Variants in HERC1 observed in about 807,000 individuals in gnomAD.
HERC1 encodes HECT and RLD domain containing E3 ubiquitin protein ligase family member 1, also known as probable E3 ubiquitin-protein ligase HERC1.
Under a neutral mutation model 554.3 loss-of-function variants are expected in HERC1, and 160 were observed. The observed-to-expected ratio is 0.29, with a 90% CI of 0.25 to 0.33. The LOEUF is 0.33. Ranked by LOEUF, HERC1 falls within the 10% of genes least tolerant of loss-of-function variation. The pLI is 1.00. For synonymous variants in HERC1, 2,175 were observed against 2,131.7 expected, an observed-to-expected ratio of 1.02 and a Z score of -0.56; for missense variants, 4,919 against 5,918.5, an observed-to-expected ratio of 0.83 and a Z score of 5.54.
rs972981997 is a variant in HERC1 at position 63,713,224 on chromosome 15, A to C, written c.4463+129T>G. On this transcript the variant is annotated intron_variant, in intron 23 of 77. Transcript: ENST00000443617. ...ACTTTACTTTAAGTTCATCCTAGTC[A>C]ATTTGCATTTCTTCTTTCATGTCTA... The C allele has an allele frequency of 5.1e-6, 4 of 791,756 alleles. No homozygotes were observed. In the Admixed American group the frequency reaches 8.3e-5, roughly 17 times the overall value. The allele number at this position is 791,756 out of a possible 1,614,324, so 49.0% of individuals were successfully genotyped here.
At chr15:63,785,686 T>TTG (rs1232497426) in intron 1 of HERC1, among the ~76,000 whole-genome samples, 1 of 149,848 alleles carries the variant, frequency 6.7e-6, no homozygotes, top group Admixed American at 6.7e-5. Context: ...GGATGATCCC[T>TTG]TGCGCTCAGG....
Position 63,680,434 on chromosome 15 carries a change from G to C in HERC1, c.6465+103C>G, listed in dbSNP as rs1046986713. The stretch of plus-strand genomic sequence containing the variant: ...CAGAAAGTATTAGAGAGAAAGGAGA[G>C]ACGAGCAGATAATCTATAAACTGAA... On this transcript the variant is annotated intron_variant, in intron 35 of 77. Coordinates refer to ENST00000443617, the MANE Select transcript of HERC1 (RefSeq NM_003922.4). This position sits in a 1 kb window ranked among gnomAD's most constrained non-coding sequence, Gnocchi z 5.8. 5.8e-6 allele frequency: 7 copies of C among 1,204,348 alleles called. No homozygotes were observed. Among genetic ancestry groups the C allele is most frequent in the Non-Finnish European group, 8.0e-6 (7 of 875,108 alleles). 74.6% of individuals were successfully genotyped at this position (1,204,348 alleles called of 1,614,324 possible).
rs772986204 is a variant in HERC1, at chr15:63,658,573, G to T, written c.9570C>A (p.Val3190=). Residue 3190 remains valine, a synonymous_variant, in exon 48 of 78, where the codon GTC becomes GTA. Transcript: ENST00000443617. ...AAQVLLARTM[V]MRALSLLSVS... is the part of the protein sequence containing the mutation. ...CTGAGAGAAGAGACAGCGCTCTCAT[G>T]ACCATGGTTCTGGCCAGAAGAACCT... The T allele has an allele frequency of 6.2e-7, 1 of 1,613,174 alleles. No homozygotes were observed. The highest frequency in any genetic ancestry group is 1.1e-5 in the South Asian group (1 of 90,982).
At chr15:63,661,143 G>C in intron 45 of HERC1, 118 bp from the exon 46 acceptor site, 1 of 743,620 alleles carries the variant, frequency 1.3e-6, no homozygotes, top group South Asian at 1.6e-5. Context: ...AAATAAAAAA[G>C]TATGTTTCAT....
intron 41 of HERC1, 58 bp from the exon 42 acceptor site, chr15:63,666,208 T>C: frequency 6.8e-7 from 1 of 1,467,980 alleles, no homozygotes; most frequent in Non-Finnish European, 9.3e-7. Context: ...GGTCTTTATG[T>C]TATAAGAGTG....
intron 1 of HERC1, among the ~76,000 whole-genome samples, chr15:63,803,060 G>A (rs1253218038): frequency 6.6e-6 from 1 of 152,052 alleles, no homozygotes; most frequent in Admixed American, 6.6e-5. Flanking sequence ...AAATAATTTG[G>A]CAGGCATAGT....
At position 63,637,679 on chromosome 15, in the gene HERC1, T is replaced by G. The variant is rs759874959; in HGVS notation, c.12094-36A>C. On this transcript the variant is annotated intron_variant, in intron 63 of 77. Coordinates refer to ENST00000443617, the MANE Select transcript of HERC1 (RefSeq NM_003922.4). ...AACACAGAATTAAATATTTTATTCT[T>G]TATTATATTGCTTTAACATGCAAGC... 2.4e-5 allele frequency: 36 copies of G among 1,491,878 alleles called. No homozygotes were observed. In the Middle Eastern group the frequency reaches 8.5e-4, roughly 35 times the overall value. 92.4% of individuals were successfully genotyped at this position (1,491,878 alleles called of 1,614,324 possible). A position where few individuals can be genotyped will look rare whatever the true frequency, so the allele number is the denominator to read the frequency against.
chr15:63,664,636 C>G, intron 42 of HERC1, 42 bp from the exon 43 acceptor site: 1 of 1,584,636 alleles, frequency 6.3e-7, no homozygotes, highest in Non-Finnish European at 8.6e-7. Context: ...TTTTTGAAAC[C>G]ATTATGGAAA....
chr15:63,825,093 G>C (rs1386866762), intron 1 of HERC1, among the ~76,000 whole-genome samples: 1 of 152,152 alleles, frequency 6.6e-6, no homozygotes, highest in Non-Finnish European at 1.5e-5. Context: ...GAGATCACTT[G>C]AGGCCGGGAG....
intron 70 of HERC1, among the ~76,000 whole-genome samples, chr15:63,627,121 C>T (rs577375482): frequency 6.6e-6 from 1 of 152,224 alleles, no homozygotes; most frequent in African/African-American, 2.4e-5. Flanking sequence ...ATTGTCAGTG[C>T]GTAGGCAGCT....
chr15:63,681,979 T>C (rs765877755), intron 34 of HERC1, among the ~76,000 whole-genome samples: 11 of 152,204 alleles, frequency 7.2e-5, no homozygotes, highest in African/African-American at 2.4e-4. Context: ...GTGTGGAGTC[T>C]GACGAGTCCT....
chr15:63,680,785 A>C lies in HERC1; in HGVS notation c.6226-9T>G. Reference sequence around the variant, plus strand: ...TCCTTCACAATATAAAACTAAAATAAAAGTGGGATATTCATTAATACTCAA... The same window carrying C: ...TCCTTCACAATATAAAACTAAAATACAAGTGGGATATTCATTAATACTCAA... On this transcript the variant is annotated splice_polypyrimidine_tract_variant and intron_variant, in intron 34 of 77. Transcript: ENST00000443617. This position sits in a 1 kb window ranked among gnomAD's most constrained non-coding sequence, Gnocchi z 5.8. The C allele has an allele frequency of 6.3e-7, 1 of 1,597,260 alleles. No homozygotes were observed. The highest frequency in any genetic ancestry group is 8.6e-7 in the Non-Finnish European group (1 of 1,164,748).
chr15:63,750,193 T>C (rs1340961085), intron 8 of HERC1, among the ~76,000 whole-genome samples: 1 of 152,240 alleles, frequency 6.6e-6, no homozygotes, highest in Non-Finnish European at 1.5e-5. Flanking sequence ...TATTATCATA[T>C]AAAATGGATT....
At chr15:63,679,216 G>T (rs2071353614) in intron 36 of HERC1, among the ~76,000 whole-genome samples, 1 of 152,140 alleles carries the variant, frequency 6.6e-6, no homozygotes, top group Non-Finnish European at 1.5e-5. Flanking sequence ...ACCTACATAG[G>T]GCAAGGGATG....
intron 27 of HERC1, among the ~76,000 whole-genome samples, chr15:63,695,230 T>TTTCGCCATA (rs113535517): frequency 0.13 from 19,186 of 151,698 alleles, 1,307 homozygotes; most frequent in Middle Eastern, 0.17. Context: ...AGAGACAGGG[T>TTTCGCCATA]TTCGCCATAT....
At position 63,674,314 on chromosome 15, in the gene HERC1, C is replaced by CA. The variant is rs111577041; in HGVS notation, c.7846+27dup. ...GAAAATAATCTCAACAGCACAAAAG[C>CA]AAAAAAAAAAAAAATCAGATAACAT... is the stretch of plus-strand genomic sequence containing the variant. On this transcript the variant is annotated intron_variant, in intron 38 of 77. Transcript: ENST00000443617. 276,450 of 1,305,076 alleles carry CA rather than the reference C, an allele frequency of 0.21. 2,733 individuals carry two copies. The highest frequency in any genetic ancestry group is 0.23 in the Non-Finnish European group (219,404 of 965,288). The allele number at this position is 1,305,076 out of a possible 1,614,324, so 80.8% of individuals were successfully genotyped here.
intron 19 of HERC1, 147 bp from the exon 20 acceptor site, chr15:63,719,044 C>T: frequency 1.7e-6 from 1 of 595,434 alleles, no homozygotes. Context: ...ATCCCACTTA[C>T]TGTTCCAAGC....
At chr15:63,643,745 C>G (rs1184648637) in intron 57 of HERC1, among the ~76,000 whole-genome samples, 195 bp from the exon 58 acceptor site, 3 of 152,104 alleles carry the variant, frequency 2.0e-5, no homozygotes, top group African/African-American at 7.2e-5. Context: ...TTGAAGCTTT[C>G]ATCTTTTTTA....
Position 63,626,369 on chromosome 15 carries a change from T to G in HERC1, c.13106-215A>C, listed in dbSNP as rs62012825. 0.15 allele frequency among the ~76,000 whole-genome samples: 22,084 copies of G among 152,228 alleles called. 2,177 individuals are homozygous for G. The highest frequency in any genetic ancestry group is 0.21 in the Middle Eastern group (63 of 294). Reference sequence around the variant, plus strand: ...GGGCGGAGAAAAAAATAAAATAAAATAAAATGTCTTCATTATTATGGAAAT... The same window carrying G: ...GGGCGGAGAAAAAAATAAAATAAAAGAAAATGTCTTCATTATTATGGAAAT... On this transcript the variant is annotated intron_variant, in intron 70 of 77. Transcript: ENST00000443617.
Sources: gnomAD v4.1 joint callset for allele counts (sites outside exome capture counted in the v4.1 genomes callset) on GRCh38, gnomAD v4.1.1 for gene constraint, Gnocchi (gnomAD v3.1) non-coding constraint, MANE v1.5 for transcripts, NCBI Gene and HGNC (gene_info 2026-07-23, HGNC 2026-07-21) for gene names.